The following CRKL variants were observed in gnomAD, a reference collection of about 807,000 sequenced individuals.
CRKL encodes the protein crk-like protein.
Under a neutral mutation model 23.0 loss-of-function variants are expected in CRKL, and 3 were observed. The ratio of observed to expected loss-of-function variants is 0.13; its 90% CI spans 0.06 to 0.34. The LOEUF (loss-of-function observed/expected upper bound fraction) is 0.34. CRKL is among the 10% of genes least tolerant of loss of function. The pLI is 1.00. For missense variants in CRKL, 256 were observed against 394.5 expected, an observed-to-expected ratio of 0.65 and a Z score of 2.97; for synonymous variants, 188 against 160.7, an observed-to-expected ratio of 1.17 and a Z score of -1.28.
At chr22:20,943,834 A>AC (rs1663667528) in intron 2 of CRKL, among the ~76,000 whole-genome samples, 1 of 151,778 alleles carries the variant, frequency 6.6e-6, no homozygotes, top group Non-Finnish European at 1.5e-5. Context: ...CGTGTTAAAA[A>AC]AAAATCACTT....
chr22:20,935,488 C>T (rs1921621074), intron 2 of CRKL, among the ~76,000 whole-genome samples: 1 of 151,182 alleles, frequency 6.6e-6, no homozygotes, highest in African/African-American at 2.4e-5. Flanking sequence ...TGAAATAGAA[C>T]TTGAACATTT....
intron 2 of CRKL, among the ~76,000 whole-genome samples, chr22:20,936,165 AAG>A (rs1921652953): frequency 2.0e-5 from 3 of 152,120 alleles, no homozygotes; most frequent in Admixed American, 2.0e-4. Flanking sequence ...ATCTCAAAAA[AAG>A]GGGGGAGAAT....
chr22:20,926,646 C>T (rs939273141), intron 1 of CRKL, among the ~76,000 whole-genome samples: 1 of 152,044 alleles, frequency 6.6e-6, no homozygotes, highest in Admixed American at 6.6e-5. Flanking sequence ...GGAATCGCAG[C>T]TTAGATGGGA....
intron 2 of CRKL, among the ~76,000 whole-genome samples, chr22:20,948,874 G>A (rs768210182): frequency 6.6e-6 from 1 of 152,124 alleles, no homozygotes; most frequent in African/African-American, 2.4e-5. Flanking sequence ...TTCAAGTAGC[G>A]TTTTTATGGA....
intron 2 of CRKL, among the ~76,000 whole-genome samples, chr22:20,938,301 T>C (rs1012991049): frequency 9.9e-5 from 15 of 152,232 alleles, no homozygotes; most frequent in African/African-American, 3.6e-4. Flanking sequence ...AAAGAGATAT[T>C]TTAAAACCAG....
chr22:20,944,702 A>G (rs1446600516), intron 2 of CRKL, among the ~76,000 whole-genome samples: 1 of 150,356 alleles, frequency 6.7e-6, no homozygotes, highest in Non-Finnish European at 1.5e-5. Flanking sequence ...CGCACAGCCT[A>G]TTCTTGGATA....
intron 1 of CRKL, among the ~76,000 whole-genome samples, chr22:20,923,881 A>T (rs1921088132): frequency 7.1e-6 from 1 of 139,994 alleles, no homozygotes; most frequent in Non-Finnish European, 1.5e-5. Flanking sequence ...CCTGGCTACT[A>T]AAAAAAAAAA....
At chr22:20,931,773 C>G (rs188252429) in intron 1 of CRKL, among the ~76,000 whole-genome samples, 31 of 152,234 alleles carry the variant, frequency 2.0e-4, no homozygotes, top group Admixed American at 3.3e-4. Context: ...ACTCTTGCTC[C>G]TACTACTCTT....
chr22:20,949,242 C>T (rs1234748332), intron 2 of CRKL, among the ~76,000 whole-genome samples: 1 of 152,182 alleles, frequency 6.6e-6, no homozygotes, highest in Admixed American at 6.5e-5. Flanking sequence ...CCTCTCACTT[C>T]AGCCTCCTGA....
At chr22:20,923,580 T>A (rs1921072198) in intron 1 of CRKL, among the ~76,000 whole-genome samples, 1 of 136,418 alleles carries the variant, frequency 7.3e-6, no homozygotes, top group South Asian at 2.4e-4. Flanking sequence ...CCTGGCATTT[T>A]TTTTTTTTTT....
chr22:20,920,002 G>A (rs1920973763), intron 1 of CRKL, among the ~76,000 whole-genome samples: 3 of 152,138 alleles, frequency 2.0e-5, no homozygotes. Context: ...GCAGATGCTG[G>A]TAGTTGCAGT....
rs1922205120 is a variant in CRKL at position 20,949,979 on chromosome 22, A to G, written c.*134A>G. The G allele has an allele frequency of 1.6e-6, 2 of 1,235,524 alleles. No homozygotes were observed. 76.5% of individuals were successfully genotyped at this position (1,235,524 alleles called of 1,614,324 possible). On this transcript the variant is annotated 3_prime_UTR_variant, in exon 3 of 3. Coordinates refer to ENST00000354336, the MANE Select transcript of CRKL (RefSeq NM_005207.4). ...CAGCTTTCTGCAGACTGGCAGTCGC[A>G]CACACATTTGGAATGCACACAGCGG... is the stretch of plus-strand genomic sequence containing the variant.
chr22:20,927,919 T>C (rs1921290749), intron 1 of CRKL, among the ~76,000 whole-genome samples: 2 of 150,226 alleles, frequency 1.3e-5, no homozygotes, highest in African/African-American at 4.9e-5. Flanking sequence ...CCCAGCACTT[T>C]GGGAGGCCGA....
intron 1 of CRKL, among the ~76,000 whole-genome samples, chr22:20,930,839 C>T (rs1035380702): frequency 6.6e-6 from 1 of 151,206 alleles, no homozygotes; most frequent in African/African-American, 2.4e-5. Context: ...TGCCACCACA[C>T]CTGGCTAATT....
chr22:20,933,786 A>G lies in CRKL; in HGVS notation c.319A>G (p.Ser107Gly), dbSNP rs761713297. 4.3e-6 allele frequency: 7 copies of G among 1,611,504 alleles called. No homozygotes were observed. The highest frequency in any genetic ancestry group is 1.1e-5 in the South Asian group (1 of 90,928). ...TLIEPAPRYP[S>G]PPMGSVSAPN... is the part of the protein sequence containing the mutation. ...TTTTCTTTCTCTCTTAAGGTATCCA[A>G]GCCCACCAATGGGATCTGTCTCAGC... Residue 107 changes from serine (S) to glycine (G), a missense_variant, in exon 2 of 3, where the codon AGC (serine) becomes GGC (glycine). By Grantham distance (56) the Ser-to-Gly change is moderately conservative. Around this residue, in one of 3 missense-constraint regions of CRKL, gnomAD observed 42 missense variants for 32.7 expected, o/e 1.29. Transcript: ENST00000354336.
At chr22:20,929,080 G>A (rs376282813) in intron 1 of CRKL, among the ~76,000 whole-genome samples, 136 of 152,300 alleles carry the variant, frequency 8.9e-4, no homozygotes, top group African/African-American at 2.9e-3. Context: ...CTCAAAGTGT[G>A]TAGTGGACAA....
At chr22:20,946,339 AG>A (rs1261240136) in intron 2 of CRKL, among the ~76,000 whole-genome samples, 2 of 152,298 alleles carry the variant, frequency 1.3e-5, no homozygotes, top group Admixed American at 6.5e-5. Flanking sequence ...CAGCAGCAAG[AG>A]GTACCCTCTT....
intron 1 of CRKL, among the ~76,000 whole-genome samples, chr22:20,925,561 A>C (rs931829033): frequency 2.6e-5 from 4 of 152,240 alleles, no homozygotes; most frequent in Non-Finnish European, 5.9e-5. Context: ...TAATTCTTTC[A>C]GATAAGTAAA....
At chr22:20,946,385 C>T (rs1467742156) in intron 2 of CRKL, among the ~76,000 whole-genome samples, 3 of 152,166 alleles carry the variant, frequency 2.0e-5, no homozygotes, top group African/African-American at 7.2e-5. Context: ...AAAGGGCTGA[C>T]TAGTGTCCCT....
Sources: gnomAD v4.1 joint callset for allele counts (sites outside exome capture counted in the v4.1 genomes callset) on GRCh38, gnomAD v4.1.1 for gene constraint, gnomAD v4.1.1 regional missense constraint, MANE v1.5 for transcripts, NCBI Gene and HGNC (gene_info 2026-07-23, HGNC 2026-07-21) for gene names.